ATP4A: variants seen among roughly 807,000 people sequenced by gnomAD.
The protein encoded by ATP4A is potassium-transporting ATPase alpha chain 1.
ATP4A carries 73 observed loss-of-function variants against 112.1 expected under a neutral mutation model. That is an observed-to-expected ratio of 0.65 (90% confidence interval 0.54 to 0.79). ATP4A has a LOEUF of 0.79. ATP4A is among the 30% of genes least tolerant of loss of function. The probability of loss-of-function intolerance (pLI) is 0.00; values close to 1 mark genes in which losing one functional copy is unlikely to be tolerated. For missense variants in ATP4A, 1,081 were observed against 1,425.9 expected (o/e 0.76, Z 3.90); for synonymous variants, 588 against 588.9 (o/e 1.00, Z 0.02).
Position 35,550,688 on chromosome 19 carries a change from C to G in ATP4A, c.3080-45G>C. On this transcript the variant is annotated intron_variant, in intron 21 of 21. Coordinates refer to ENST00000262623, the MANE Select transcript of ATP4A (RefSeq NM_000704.3). The surrounding 1 kb of genome is among the most constrained non-coding windows in gnomAD (Gnocchi z 4.1). The stretch of plus-strand genomic sequence containing the variant: ...AGGAGACTCAGTGCTGGGGGTGCCA[C>G]TTAGGCAGGGCCAGGGGCTCAGAGG... 6.2e-7 allele frequency: 1 copy of G among 1,613,344 alleles called. No homozygotes were observed. The highest frequency in any genetic ancestry group is 2.2e-5 in the East Asian group (1 of 44,874).
In ATP4A at chr19:35,551,717, GT is replaced by G; in HGVS notation, c.2752-138del. On this transcript the variant is annotated intron_variant, in intron 18 of 21. Transcript: ENST00000262623. This position sits in a 1 kb window ranked among gnomAD's most constrained non-coding sequence, Gnocchi z 5.2. ...CTCTGCCTTGCATCAGAGTGTGGGGGTGGGGGGAAGGAGAGAGGCAGGGTCT... is the reference window on the plus strand; with the variant it reads ...CTCTGCCTTGCATCAGAGTGTGGGGGGGGGGGAAGGAGAGAGGCAGGGTCT... 2 of 1,195,128 alleles carry G rather than the reference GT, an allele frequency of 1.7e-6. No homozygotes were observed. Among genetic ancestry groups the G allele is most frequent in the Non-Finnish European group, 2.3e-6 (2 of 853,788 alleles). The allele number at this position is 1,195,128 out of a possible 1,614,324, so 74.0% of individuals were successfully genotyped here.
chr19:35,562,874 A>C (rs2071679941), intron 3 of ATP4A, among the ~76,000 whole-genome samples: 7 of 126,320 alleles, frequency 5.5e-5, no homozygotes, highest in East Asian at 2.3e-4. Context: ...CTCTCTCCTT[A>C]TTTGTCTCTG....
rs555136469 is a variant in ATP4A at position 35,553,616 on chromosome 19, C to T, written c.2605+90G>A. Reference sequence around the variant, plus strand: ...CAAATGCAGACACTGAGGTCCAGAACCAGCCGGAGCCCAAGGCAGGGCCTG... The same window carrying T: ...CAAATGCAGACACTGAGGTCCAGAATCAGCCGGAGCCCAAGGCAGGGCCTG... On this transcript the variant is annotated intron_variant, in intron 17 of 21. Coordinates refer to ENST00000262623, the MANE Select transcript of ATP4A (RefSeq NM_000704.3). 27 of 1,536,750 alleles carry T rather than the reference C, an allele frequency of 1.8e-5. No individual in the cohort carries two copies. In the East Asian group the frequency reaches 5.5e-4, roughly 31 times the overall value.
chr19:35,560,674 TG>T lies in ATP4A; in HGVS notation c.535-60del. ...GGGGGTGGGGGTGGGAGCTGCTGCATGTGGGGAGGTAAAGGATGAGGAGAGC... is the reference window on the plus strand; with the variant it reads ...GGGGGTGGGGGTGGGAGCTGCTGCATTGGGGAGGTAAAGGATGAGGAGAGC... On this transcript the variant is annotated intron_variant, in intron 5 of 21. Coordinates refer to ENST00000262623, the MANE Select transcript of ATP4A (RefSeq NM_000704.3). The surrounding 1 kb of genome is among the most constrained non-coding windows in gnomAD (Gnocchi z 5.1). 6.3e-7 allele frequency: 1 copy of T among 1,583,012 alleles called. No individual in the cohort carries two copies. The highest frequency in any genetic ancestry group is 1.7e-5 in the Admixed American group (1 of 58,994).
intron 16 of ATP4A, 56 bp from the exon 17 acceptor site, chr19:35,553,885 C>T: frequency 2.6e-6 from 4 of 1,528,666 alleles, no homozygotes; most frequent in Non-Finnish European, 3.5e-6. Context: ...CTTGTCCCCT[C>T]CACTTCGGGT....
Position 35,556,915 on chromosome 19 carries a change from G to A in ATP4A, c.1867C>T (p.Arg623Trp), listed in dbSNP as rs542424132. 5.0e-6 allele frequency: 8 copies of A among 1,613,462 alleles called. No individual in the cohort carries two copies. The highest frequency in any genetic ancestry group is 1.3e-5 in the African/African-American group (1 of 75,040). The change falls in exon 12 of 22, where the codon CGG (arginine) becomes TGG (tryptophan). Residue 623 changes from arginine (R) to tryptophan (W), a missense_variant and splice_region_variant. This residue lies in a region of ATP4A where 850 missense variants were observed against 1,068.2 expected (regional missense o/e 0.80). Coordinates refer to ENST00000262623, the MANE Select transcript of ATP4A (RefSeq NM_000704.3). ...TGTTCCTCCCCACAGTGGCATACCC[G>A]GATGCCTGCGGTGCGACACTTGAGC... is the stretch of plus-strand genomic sequence containing the variant. Reference protein sequence around the residue: ...AVLKCRTAGIRVIMVTGDHPI... With the variant: ...AVLKCRTAGIWVIMVTGDHPI...
rs752675734 is a variant in ATP4A, at chr19:35,560,648, C to T, written c.535-33G>A. On this transcript the variant is annotated intron_variant, in intron 5 of 21. Coordinates refer to ENST00000262623, the MANE Select transcript of ATP4A (RefSeq NM_000704.3). The surrounding 1 kb of genome is among the most constrained non-coding windows in gnomAD (Gnocchi z 5.1). ...GCAGGGGCACCAAAGTTGAGGTGGA[C>T]GGGGGTGGGGGTGGGAGCTGCTGCA... 87 of 475,600 alleles carry T rather than the reference C, an allele frequency of 1.8e-4. No homozygotes were observed. The highest frequency in any genetic ancestry group is 2.7e-4 in the Non-Finnish European group (82 of 308,204). 29.5% of individuals were successfully genotyped at this position (475,600 alleles called of 1,614,324 possible).
At position 35,553,022 on chromosome 19, in the gene ATP4A, C is replaced by A; in HGVS notation, c.2751+15G>T. ...GAGGGAGCCCAGGGATGGGATGGGG[C>A]GGGGCAGGGCTCACCCACTCCTGGC... On this transcript the variant is annotated intron_variant, in intron 18 of 21. Transcript: ENST00000262623. 1 of 1,578,084 alleles carries A rather than the reference C, an allele frequency of 6.3e-7. No homozygotes were observed. Among genetic ancestry groups the A allele is most frequent in the African/African-American group, 1.3e-5 (1 of 74,302 alleles).
At position 35,558,781 on chromosome 19, in the gene ATP4A, C is replaced by T; in HGVS notation, c.1256-95G>A. 7.2e-7 allele frequency: 1 copy of T among 1,379,470 alleles called. No individual in the cohort carries two copies. Among genetic ancestry groups the T allele is most frequent in the Admixed American group, 2.4e-5 (1 of 42,078 alleles). 85.5% of individuals were successfully genotyped at this position (1,379,470 alleles called of 1,614,324 possible). A position where few individuals can be genotyped will look rare whatever the true frequency, so the allele number is the denominator to read the frequency against. The stretch of plus-strand genomic sequence containing the variant: ...CTAGGCTCATATCGCGGGCCCCCTC[C>T]CCAGACCTGGGTGGAATTGGGTTCC... On this transcript the variant is annotated intron_variant, in intron 8 of 21. Transcript: ENST00000262623. This position sits in a 1 kb window ranked among gnomAD's most constrained non-coding sequence, Gnocchi z 5.1.
At chr19:35,552,092 G>T (rs2071605414) in intron 18 of ATP4A, among the ~76,000 whole-genome samples, 1 of 152,116 alleles carries the variant, frequency 6.6e-6, no homozygotes. Flanking sequence ...TGTCACCCAG[G>T]CTGGAGTGCA....
chr19:35,560,175 G>C lies in ATP4A; in HGVS notation c.788-102C>G. On this transcript the variant is annotated intron_variant, in intron 6 of 21. Transcript: ENST00000262623. This position sits in a 1 kb window ranked among gnomAD's most constrained non-coding sequence, Gnocchi z 5.1. ...GCCAGTCACTGCCAGTGGAGGATGT[G>C]ACCTGGGAGAGGGTAGTGACAGTGG... 1 of 1,544,348 alleles carries C rather than the reference G, an allele frequency of 6.5e-7. No individual in the cohort carries two copies. Among genetic ancestry groups the C allele is most frequent in the Non-Finnish European group, 8.8e-7 (1 of 1,138,158 alleles).
chr19:35,557,132 CT>C lies in ATP4A; in HGVS notation c.1694-45del, dbSNP rs1462895344. On this transcript the variant is annotated intron_variant, in intron 11 of 21. Coordinates refer to ENST00000262623, the MANE Select transcript of ATP4A (RefSeq NM_000704.3). This position sits in a 1 kb window ranked among gnomAD's most constrained non-coding sequence, Gnocchi z 4.4. ...GTCAGGGAAGAGCCCTGGGCACACC[CT>C]TTCTTAGCAGGGCCAGGAAATGGGT... 8 of 1,605,020 alleles carry C rather than the reference CT, an allele frequency of 5.0e-6. No homozygotes were observed. The highest frequency in any genetic ancestry group is 6.8e-6 in the Non-Finnish European group (8 of 1,174,350).
chr19:35,561,642 T>C (rs2071671435), intron 4 of ATP4A, among the ~76,000 whole-genome samples: 1 of 152,022 alleles, frequency 6.6e-6, no homozygotes, highest in Non-Finnish European at 1.5e-5. Flanking sequence ...CTCTGCCATA[T>C]GTCCAATGTC....
chr19:35,560,974 A>G lies in ATP4A; in HGVS notation c.421-42T>C. 1.3e-6 allele frequency: 2 copies of G among 1,579,362 alleles called. No individual in the cohort carries two copies. The highest frequency in any genetic ancestry group is 1.7e-6 in the Non-Finnish European group (2 of 1,149,498). On this transcript the variant is annotated intron_variant, in intron 4 of 21. Coordinates refer to ENST00000262623, the MANE Select transcript of ATP4A (RefSeq NM_000704.3). This position sits in a 1 kb window ranked among gnomAD's most constrained non-coding sequence, Gnocchi z 5.1. Reference sequence around the variant, plus strand: ...GGTGGGGTTATTCAGAGGGGCCGGAAGCTGCCTGCCTGAGGCCACCGACCT... The same window carrying G: ...GGTGGGGTTATTCAGAGGGGCCGGAGGCTGCCTGCCTGAGGCCACCGACCT...
Position 35,558,492 on chromosome 19 carries a change from A to T in ATP4A, c.1370T>A (p.Ile457Asn), listed in dbSNP as rs144295630. 8.2e-5 allele frequency: 131 copies of T among 1,595,160 alleles called. No individual in the cohort carries two copies. Among genetic ancestry groups the T allele is most frequent in the Non-Finnish European group, 1.1e-4 (125 of 1,171,818 alleles). ...CGTCTCCGATGCGTCTCCAATCACG[A>T]TGCGCTGGGAGCGGGGACCGGTGTC... ...GQDAVPVPKR[I>N]VIGDASETAL... Residue 457 changes from isoleucine to asparagine, a missense_variant, in exon 10 of 22, where the codon ATC becomes AAC. This residue lies in a region of ATP4A where 850 missense variants were observed against 1,068.2 expected (regional missense o/e 0.80). Coordinates refer to ENST00000262623, the MANE Select transcript of ATP4A (RefSeq NM_000704.3). This position sits in a 1 kb window ranked among gnomAD's most constrained non-coding sequence, Gnocchi z 5.1.
rs61746803 is a variant in ATP4A at position 35,562,555 on chromosome 19, G to A, written c.300C>T (p.Tyr100=). The A allele has an allele frequency of 6.4e-4, 1,030 of 1,612,816 alleles. 3 individuals carry two copies. In the African/African-American group the frequency reaches 0.012, roughly 19 times the overall value. ...ALRPPRGTPE[Y]VKFARQLAGG... ...CGGCCAGCTGCCTCGCGAACTTGACGTACTCTGGGGTGCCCCGTGGTGGCC... is the reference window on the plus strand; with the variant it reads ...CGGCCAGCTGCCTCGCGAACTTGACATACTCTGGGGTGCCCCGTGGTGGCC... The change falls in exon 4 of 22, where the codon TAC becomes TAT. Residue 100 remains tyrosine (Y), a synonymous_variant. Coordinates refer to ENST00000262623, the MANE Select transcript of ATP4A (RefSeq NM_000704.3).
At position 35,563,615 on chromosome 19, in the gene ATP4A, C is replaced by T; in HGVS notation, c.12+3G>A. 6.2e-7 allele frequency: 1 copy of T among 1,614,036 alleles called. No individual in the cohort carries two copies. The highest frequency in any genetic ancestry group is 8.5e-7 in the Non-Finnish European group (1 of 1,180,012). On this transcript the variant is annotated splice_donor_region_variant and intron_variant, in intron 1 of 21. Transcript: ENST00000262623. ...GCACCCCGGACCCCTGGGCCCCACT[C>T]ACGGCCTTCCCCATGGTGCCCGGTG...
Position 35,558,727 on chromosome 19 carries a change from C to T in ATP4A, c.1256-41G>A, listed in dbSNP as rs1371129785. ...CCAGGCTGGGTCCCGCACGGCGGCT[C>T]TCCCGGACCAGAACCGAGCCCCCTC... On this transcript the variant is annotated intron_variant, in intron 8 of 21. Coordinates refer to ENST00000262623, the MANE Select transcript of ATP4A (RefSeq NM_000704.3). The surrounding 1 kb of genome is among the most constrained non-coding windows in gnomAD (Gnocchi z 5.1). 2 of 1,538,522 alleles carry T rather than the reference C, an allele frequency of 1.3e-6. No homozygotes were observed. Among genetic ancestry groups the T allele is most frequent in the South Asian group, 2.4e-5 (2 of 83,888 alleles).
chr19:35,558,686 C>A lies in ATP4A; in HGVS notation c.1256G>T (p.Gly419Val). 6.3e-7 allele frequency: 1 copy of A among 1,591,834 alleles called. No individual in the cohort carries two copies. The highest frequency in any genetic ancestry group is 8.5e-7 in the Non-Finnish European group (1 of 1,171,422). Residue 419 changes from glycine (G) to valine (V), a missense_variant and splice_region_variant, in exon 9 of 22, where the codon GGG becomes GTG. By Grantham distance (109) the Gly-to-Val change is moderately radical. Around this residue, in one of 3 missense-constraint regions of ATP4A, gnomAD observed 850 missense variants for 1,068.2 expected, o/e 0.80. Transcript: ENST00000262623. This position sits in a 1 kb window ranked among gnomAD's most constrained non-coding sequence, Gnocchi z 5.1. ...HTADTTEDQS[G>V]QTFDQSSETW... ...CTCCGAGGACTGGTCAAACGTCTGC[C>A]CTGCAGACCAGGCGTCCAGGCTGGG...
Sources: allele counts gnomAD v4.1 joint callset (sites outside exome capture counted in the v4.1 genomes callset), GRCh38; gene constraint gnomAD v4.1.1; regional missense constraint gnomAD v4.1.1; non-coding constraint Gnocchi (gnomAD v3.1); transcripts MANE v1.5; gene names NCBI Gene and HGNC (gene_info 2026-07-23, HGNC 2026-07-21).